The following TBC1D16 variants were observed in gnomAD, a reference collection of about 807,000 sequenced individuals.
TBC1D16 encodes TBC1 domain family member 16.
A neutral mutation model predicts 74.7 loss-of-function variants in TBC1D16; 58 were observed. The observed-to-expected ratio is 0.78, with a 90% CI of 0.63 to 0.97. The LOEUF is 0.97. Among genes scored for constraint, TBC1D16 ranks in the 50% least tolerant of loss-of-function variants. The pLI is 0.00. For synonymous variants in TBC1D16, 493 were observed against 474.7 expected (o/e 1.04, Z -0.50); for missense variants, 1,014 against 1,079.5 (o/e 0.94, Z 0.85).
chr17:79,980,864 G>A lies in TBC1D16; in HGVS notation c.780-28046C>T, dbSNP rs2034551422. Among the ~76,000 whole-genome samples the A allele has an allele frequency of 6.6e-6, 1 of 152,186 alleles. No homozygotes were observed. Among genetic ancestry groups the A allele is most frequent in the African/African-American group, 2.4e-5 (1 of 41,432 alleles). On this transcript the variant is annotated intron_variant, in intron 3 of 11. Coordinates refer to ENST00000310924, the MANE Select transcript of TBC1D16 (RefSeq NM_019020.4). The surrounding 1 kb of genome is among the most constrained non-coding windows in gnomAD (Gnocchi z 7.0). ...CCGTTACTGTTCCTGCAGGCTGGAA[G>A]GGGAGCCTGTGAGTTGAGCCAGAGC...
At chr17:79,984,847 C>A (rs968279174) in intron 3 of TBC1D16, among the ~76,000 whole-genome samples, 3 of 152,082 alleles carry the variant, frequency 2.0e-5, no homozygotes, top group Non-Finnish European at 2.9e-5. Flanking sequence ...CAGATCATAA[C>A]AGAAACAAAA....
chr17:79,951,051 G>GA (rs1232851406), intron 5 of TBC1D16, among the ~76,000 whole-genome samples: 3 of 152,120 alleles, frequency 2.0e-5, no homozygotes, highest in African/African-American at 7.2e-5. Context: ...AATGTAGGGG[G>GA]AAAAAAAGCC....
chr17:79,950,418 A>G lies in TBC1D16; in HGVS notation c.1250T>C (p.Leu417Pro). Residue 417 changes from leucine to proline, a missense_variant, in exon 6 of 12, where the codon CTG (leucine) becomes CCG (proline). Physicochemically the swap from Leu to Pro is moderately conservative, Grantham distance 98. Coordinates refer to ENST00000310924, the MANE Select transcript of TBC1D16 (RefSeq NM_019020.4). The surrounding 1 kb of genome is among the most constrained non-coding windows in gnomAD (Gnocchi z 4.6). ...GGCGGACCCGGACCTCACCTTCCGC[A>G]GCTTGTACTCCTCCTCCACCTGGCC... ...ELGQVEEEYK[L>P]RKAIFFGGID... 4.4e-6 allele frequency: 7 copies of G among 1,608,454 alleles called. No individual in the cohort carries two copies. Among genetic ancestry groups the G allele is most frequent in the Non-Finnish European group, 5.9e-6 (7 of 1,178,092 alleles).
At chr17:79,955,811 A>C (rs1233656960) in intron 3 of TBC1D16, among the ~76,000 whole-genome samples, 3 of 152,250 alleles carry the variant, frequency 2.0e-5, no homozygotes, top group Admixed American at 1.3e-4. Flanking sequence ...ACAAACACAA[A>C]CACTGGGTTC....
At chr17:79,967,386 C>G (rs944748013) in intron 3 of TBC1D16, among the ~76,000 whole-genome samples, 11 of 152,136 alleles carry the variant, frequency 7.2e-5, no homozygotes, top group South Asian at 2.1e-4. Flanking sequence ...AATCTACACA[C>G]ATACACACAC....
At position 80,008,005 on chromosome 17, in the gene TBC1D16, C is replaced by T. The variant is rs576955345; in HGVS notation, c.779+2155G>A. Among the ~76,000 whole-genome samples, 1 of 151,730 alleles carries T rather than the reference C, an allele frequency of 6.6e-6. No individual in the cohort carries two copies. Among genetic ancestry groups the T allele is most frequent in the South Asian group, 2.1e-4 (1 of 4,780 alleles). ...GCTGCCCACTGATGCCAATACATCCCCACCCTCAGTTGTGATAAAAAAAAA... is the reference window on the plus strand; with the variant it reads ...GCTGCCCACTGATGCCAATACATCCTCACCCTCAGTTGTGATAAAAAAAAA... On this transcript the variant is annotated intron_variant, in intron 3 of 11. Transcript: ENST00000310924. This position sits in a 1 kb window ranked among gnomAD's most constrained non-coding sequence, Gnocchi z 4.5.
intron 1 of TBC1D16, among the ~76,000 whole-genome samples, chr17:80,022,584 C>A (rs1033613863): frequency 2.7e-5 from 4 of 149,478 alleles, no homozygotes; most frequent in Non-Finnish European, 2.9e-5. Flanking sequence ...GGTGATCCAC[C>A]TGCCTTGGCC....
rs2034924279 is a variant in TBC1D16, at chr17:79,988,345, T to G, written c.779+21815A>C. ...CTGAAAAGTCACCAGCCCATGGGCC[T>G]CTCCCTGGCTCCAGCTGTGGCTGAT... On this transcript the variant is annotated intron_variant, in intron 3 of 11. Transcript: ENST00000310924. This position sits in a 1 kb window ranked among gnomAD's most constrained non-coding sequence, Gnocchi z 5.7. 6.6e-6 allele frequency among the ~76,000 whole-genome samples: 1 copy of G among 152,348 alleles called. No individual in the cohort carries two copies. Among genetic ancestry groups the G allele is most frequent in the Middle Eastern group, 3.4e-3 (1 of 294 alleles).
intron 3 of TBC1D16, among the ~76,000 whole-genome samples, chr17:79,999,307 G>A (rs2035395590): frequency 6.6e-6 from 1 of 151,820 alleles, no homozygotes; most frequent in Admixed American, 6.6e-5. Context: ...CATACATTGT[G>A]TGGTGGCTTC....
Position 79,983,781 on chromosome 17 carries a change from G to A in TBC1D16, c.779+26379C>T, listed in dbSNP as rs1209657221. 6.6e-6 allele frequency among the ~76,000 whole-genome samples: 1 copy of A among 152,142 alleles called. No homozygotes were observed. Among genetic ancestry groups the A allele is most frequent in the Non-Finnish European group, 1.5e-5 (1 of 68,016 alleles). ...CTAGTTCAGACACAGGGGGCGCTGG[G>A]TCACGGGGTTCATTTATGATTGTGT... On this transcript the variant is annotated intron_variant, in intron 3 of 11. Transcript: ENST00000310924. The surrounding 1 kb of genome is among the most constrained non-coding windows in gnomAD (Gnocchi z 5.6).
Position 79,983,522 on chromosome 17 carries a change from C to T in TBC1D16, c.779+26638G>A, listed in dbSNP as rs757238192. Reference sequence around the variant, plus strand: ...GTGTCCCCCTATTGGAGTGAGCACCCGCAGCACCTCAGGCACGGGGAGCTG... The same window carrying T: ...GTGTCCCCCTATTGGAGTGAGCACCTGCAGCACCTCAGGCACGGGGAGCTG... On this transcript the variant is annotated intron_variant, in intron 3 of 11. Coordinates refer to ENST00000310924, the MANE Select transcript of TBC1D16 (RefSeq NM_019020.4). This position sits in a 1 kb window ranked among gnomAD's most constrained non-coding sequence, Gnocchi z 5.6. Among the ~76,000 whole-genome samples, 30 of 152,208 alleles carry T rather than the reference C, an allele frequency of 2.0e-4. No individual in the cohort carries two copies. The highest frequency in any genetic ancestry group is 1.3e-3 in the Admixed American group (20 of 15,278).
rs551649044 is a variant in TBC1D16, at chr17:79,971,379, G to A, written c.780-18561C>T. ...ATTTGCAAGTGGTAAATAAATTCAC[G>A]TTGTGGTTAAAAATTTTAAAAAGAC... is the stretch of plus-strand genomic sequence containing the variant. On this transcript the variant is annotated intron_variant, in intron 3 of 11. Coordinates refer to ENST00000310924, the MANE Select transcript of TBC1D16 (RefSeq NM_019020.4). The surrounding 1 kb of genome is among the most constrained non-coding windows in gnomAD (Gnocchi z 4.6). Among the ~76,000 whole-genome samples the A allele has an allele frequency of 5.9e-5, 9 of 152,258 alleles. No homozygotes were observed. The East Asian group carries it at 7.7e-4, about 13-fold the overall frequency.
At chr17:79,945,870 T>C (rs2032491429) in intron 9 of TBC1D16, among the ~76,000 whole-genome samples, 1 of 152,212 alleles carries the variant, frequency 6.6e-6, no homozygotes, top group South Asian at 2.1e-4. Context: ...GCTGGGGGGA[T>C]CCTGGGGCAG....
At position 79,975,307 on chromosome 17, in the gene TBC1D16, G is replaced by T. The variant is rs182108816; in HGVS notation, c.780-22489C>A. Among the ~76,000 whole-genome samples, 126 of 152,280 alleles carry T rather than the reference G, an allele frequency of 8.3e-4. No homozygotes were observed. The highest frequency in any genetic ancestry group is 3.0e-3 in the African/African-American group (125 of 41,556). Reference sequence around the variant, plus strand: ...TCCTGTAATCTACCTGGATTGGAACGCCCAGCTTTGTACAGCCTGAGCTCT... The same window carrying T: ...TCCTGTAATCTACCTGGATTGGAACTCCCAGCTTTGTACAGCCTGAGCTCT... On this transcript the variant is annotated intron_variant, in intron 3 of 11. Coordinates refer to ENST00000310924, the MANE Select transcript of TBC1D16 (RefSeq NM_019020.4). The surrounding 1 kb of genome is among the most constrained non-coding windows in gnomAD (Gnocchi z 4.5).
chr17:79,984,359 C>T (rs912063351), intron 3 of TBC1D16, among the ~76,000 whole-genome samples: 2 of 152,034 alleles, frequency 1.3e-5, no homozygotes, highest in Non-Finnish European at 2.9e-5. Flanking sequence ...TACAGCCTGC[C>T]TGTCTACAAC....
intron 3 of TBC1D16, among the ~76,000 whole-genome samples, chr17:79,966,641 A>G (rs187242043): frequency 7.8e-4 from 119 of 152,248 alleles, no homozygotes; most frequent in African/African-American, 2.6e-3. Flanking sequence ...ACATATGCTA[A>G]TTTCCCTTTA....
At chr17:80,014,457 CA>C (rs2036017517) in intron 1 of TBC1D16, among the ~76,000 whole-genome samples, 1 of 151,984 alleles carries the variant, frequency 6.6e-6, no homozygotes, top group African/African-American at 2.4e-5. Flanking sequence ...AACATCTCAA[CA>C]GAAAAAAATG....
chr17:79,943,007 AC>A (rs952534160), intron 10 of TBC1D16, among the ~76,000 whole-genome samples: 1 of 152,186 alleles, frequency 6.6e-6, no homozygotes, highest in Non-Finnish European at 1.5e-5. Flanking sequence ...TTTGATGCAC[AC>A]GCGCTTCCGG....
Position 79,950,757 on chromosome 17 carries a change from T to A in TBC1D16, c.1090-179A>T, listed in dbSNP as rs1205440790. ...TAGGCGCAATTAAAATGAAAATACC[T>A]TCATCTTAAAATCGGTTTCCCTCTG... On this transcript the variant is annotated intron_variant, in intron 5 of 11. Transcript: ENST00000310924. This position sits in a 1 kb window ranked among gnomAD's most constrained non-coding sequence, Gnocchi z 4.6. 4 of 1,536,686 alleles carry A rather than the reference T, an allele frequency of 2.6e-6. No individual in the cohort carries two copies. In the African/African-American group the frequency reaches 5.5e-5, roughly 21 times the overall value.
Sources: gnomAD v4.1 joint callset for allele counts (sites outside exome capture counted in the v4.1 genomes callset) on GRCh38, gnomAD v4.1.1 for gene constraint, Gnocchi (gnomAD v3.1) non-coding constraint, MANE v1.5 for transcripts, NCBI Gene and HGNC (gene_info 2026-07-23, HGNC 2026-07-21) for gene names.